The following TECPR1 variants were observed in gnomAD, a reference collection of about 807,000 sequenced individuals.
TECPR1 encodes tectonin beta-propeller repeat containing 1.
A neutral mutation model predicts 162.4 loss-of-function variants in TECPR1; 122 were observed. The observed-to-expected ratio is 0.75, with a 90% CI of 0.65 to 0.87. The LOEUF is 0.87. TECPR1 is among the 40% of genes least tolerant of loss of function. TECPR1 has a pLI of 0.00. For missense variants in TECPR1, 1,432 were observed against 1,618.2 expected (o/e 0.88, Z 1.97); for synonymous variants, 642 against 670.6 (o/e 0.96, Z 0.66).
intron 23 of TECPR1, 56 bp downstream of exon 23, chr7:98,221,605 G>C (rs1316262294): frequency 2.0e-6 from 3 of 1,512,206 alleles, no homozygotes; most frequent in Admixed American, 1.7e-5. Flanking sequence ...GAGATTACAG[G>C]TGTGAGCCAC....
intron 8 of TECPR1, 51 bp from the exon 9 acceptor site, chr7:98,238,661 C>T (rs371433144): frequency 2.1e-5 from 30 of 1,460,688 alleles, no homozygotes; most frequent in East Asian, 1.2e-4. Context: ...CTGAAACAGA[C>T]GGTTCGTTCG....
chr7:98,237,867 G>A (rs1333132442), intron 9 of TECPR1, among the ~76,000 whole-genome samples: 2 of 152,136 alleles, frequency 1.3e-5, no homozygotes, highest in African/African-American at 4.8e-5. Flanking sequence ...TGACCTCCTG[G>A]GCTCAGGCAA....
chr7:98,228,894 G>T, intron 16 of TECPR1, 145 bp downstream of exon 16: 1 of 1,188,146 alleles, frequency 8.4e-7, no homozygotes, highest in Non-Finnish European at 1.2e-6. Flanking sequence ...GTGGAGGCTG[G>T]CAGTGGTGAA....
In TECPR1 at chr7:98,215,534, T is replaced by C. The variant is rs936180049; in HGVS notation, c.*1856A>G. On this transcript the variant is annotated 3_prime_UTR_variant, in exon 26 of 26. Transcript: ENST00000447648. ...CGGACACTCCAGGGGAAATGCTTAT[T>C]GAGTAAAGTATCCGAGGAAGTGATG... 1 of 152,226 alleles carries C rather than the reference T, an allele frequency of 6.6e-6. No individual in the cohort carries two copies. Among genetic ancestry groups the C allele is most frequent in the African/African-American group, 2.4e-5 (1 of 41,446 alleles). 9.4% of individuals were successfully genotyped at this position (152,226 alleles called of 1,614,324 possible).
rs1238374185 is a variant in TECPR1, at chr7:98,232,060, T to C, written c.1819-101A>G. On this transcript the variant is annotated intron_variant, in intron 12 of 25. Coordinates refer to ENST00000447648, the MANE Select transcript of TECPR1 (RefSeq NM_015395.3). The surrounding 1 kb of genome is among the most constrained non-coding windows in gnomAD (Gnocchi z 4.6). ...CCCAGAGGAGGAGGCAGGGCTGGGGTAGGGCCCACCCAGCACTCCCGGCTG... is the reference window on the plus strand; with the variant it reads ...CCCAGAGGAGGAGGCAGGGCTGGGGCAGGGCCCACCCAGCACTCCCGGCTG... The C allele has an allele frequency of 7.6e-7, 1 of 1,323,648 alleles. No individual in the cohort carries two copies. Among genetic ancestry groups the C allele is most frequent in the East Asian group, 2.5e-5 (1 of 39,436 alleles). 82.0% of individuals were successfully genotyped at this position (1,323,648 alleles called of 1,614,324 possible). A position where few individuals can be genotyped will look rare whatever the true frequency, so the allele number is the denominator to read the frequency against.
At chr7:98,240,201 T>A (rs778780870) in intron 8 of TECPR1, among the ~76,000 whole-genome samples, 1 of 151,948 alleles carries the variant, frequency 6.6e-6, no homozygotes, top group Non-Finnish European at 1.5e-5. Flanking sequence ...AGACAAGCAG[T>A]GACTAGAGGA....
At chr7:98,229,748 C>T (rs747632) in intron 15 of TECPR1, among the ~76,000 whole-genome samples, 64,047 of 151,962 alleles carry the variant, frequency 0.42, 14,053 homozygotes, top group East Asian at 0.7. Flanking sequence ...TCACCAGAGG[C>T]GGTCTGAATC....
At position 98,243,456 on chromosome 7, in the gene TECPR1, G is replaced by A; in HGVS notation, c.657+11C>T. ...GTGGGGAGCCAGGGCAGGGAGAGGG[G>A]TTGGCCTTACCTTGCCCTGCAGAGA... On this transcript the variant is annotated intron_variant, in intron 6 of 25. Coordinates refer to ENST00000447648, the MANE Select transcript of TECPR1 (RefSeq NM_015395.3). 6.2e-7 allele frequency: 1 copy of A among 1,611,866 alleles called. No homozygotes were observed. The highest frequency in any genetic ancestry group is 8.5e-7 in the Non-Finnish European group (1 of 1,179,684).
At position 98,218,594 on chromosome 7, in the gene TECPR1, C is replaced by A. The variant is rs1311786199; in HGVS notation, c.3158-552G>T. Among the ~76,000 whole-genome samples the A allele has an allele frequency of 2.6e-5, 4 of 152,144 alleles. No individual in the cohort carries two copies. The South Asian group carries it at 6.2e-4, about 24-fold the overall frequency. On this transcript the variant is annotated intron_variant, in intron 23 of 25. Coordinates refer to ENST00000447648, the MANE Select transcript of TECPR1 (RefSeq NM_015395.3). ...TGCCAGCAGCAACCAGGCTGAGAAT[C>A]AAATTAACCCCTTTTACAACAGCTG...
chr7:98,244,756 G>A, intron 4 of TECPR1, 63 bp from the exon 5 acceptor site: 1 of 1,583,860 alleles, frequency 6.3e-7, no homozygotes, highest in Non-Finnish European at 8.6e-7. Flanking sequence ...GCTGGGGAAG[G>A]TGGGGAGGGA....
At chr7:98,226,473 C>A (rs1206668798) in intron 17 of TECPR1, 33 of 1,016,598 alleles carry the variant, frequency 3.2e-5, no homozygotes, top group Non-Finnish European at 3.8e-5. Flanking sequence ...GAGCCACCTC[C>A]CTGTGCCTGG....
chr7:98,247,127 G>A (rs1416281539), intron 2 of TECPR1, among the ~76,000 whole-genome samples: 2 of 151,450 alleles, frequency 1.3e-5, no homozygotes, highest in African/African-American at 4.8e-5. Context: ...GACAGAGGGA[G>A]ACCCTGTCTC....
chr7:98,235,216 G>C (rs560215545), intron 10 of TECPR1, among the ~76,000 whole-genome samples: 1 of 152,238 alleles, frequency 6.6e-6, no homozygotes, highest in South Asian at 2.1e-4. Context: ...ATTCTAATGT[G>C]CTTTCCAGTT....
chr7:98,230,609 CG>C (rs1798405446), intron 15 of TECPR1, among the ~76,000 whole-genome samples: 1 of 152,310 alleles, frequency 6.6e-6, no homozygotes, highest in African/African-American at 2.4e-5. Flanking sequence ...GGCTGAGCAC[CG>C]GGTCTGTGCC....
intron 21 of TECPR1, 40 bp downstream of exon 21, chr7:98,222,950 G>A: frequency 6.2e-7 from 1 of 1,603,880 alleles, no homozygotes; most frequent in South Asian, 1.1e-5. Context: ...CAGAGCAAAG[G>A]TCTCATTTCA....
At chr7:98,244,472 T>C in intron 5 of TECPR1, 99 bp downstream of exon 5, 1 of 1,471,562 alleles carries the variant, frequency 6.8e-7, no homozygotes, top group Non-Finnish European at 9.1e-7. Flanking sequence ...GGGCGTGGTG[T>C]CCCCTGGTGC....
At position 98,232,799 on chromosome 7, in the gene TECPR1, ATGC is replaced by A; in HGVS notation, c.1818+25_1818+27del. ...AATGATTGCTGGAAAAAAAAAAAAA[ATGC>A]ATGCGCAGCCACCGGGGCACCCACC... is the stretch of plus-strand genomic sequence containing the variant. On this transcript the variant is annotated intron_variant, in intron 12 of 25. Coordinates refer to ENST00000447648, the MANE Select transcript of TECPR1 (RefSeq NM_015395.3). The surrounding 1 kb of genome is among the most constrained non-coding windows in gnomAD (Gnocchi z 4.6). 1 of 1,510,044 alleles carries A rather than the reference ATGC, an allele frequency of 6.6e-7. No individual in the cohort carries two copies. The highest frequency in any genetic ancestry group is 8.8e-7 in the Non-Finnish European group (1 of 1,131,598). The allele number at this position is 1,510,044 out of a possible 1,614,324, so 93.5% of individuals were successfully genotyped here. A position where few individuals can be genotyped will look rare whatever the true frequency, so the allele number is the denominator to read the frequency against.
At position 98,224,785 on chromosome 7, in the gene TECPR1, G is replaced by A. The variant is rs766034749; in HGVS notation, c.2690+16C>T. The A allele has an allele frequency of 3.2e-6, 5 of 1,571,330 alleles. No homozygotes were observed. Among genetic ancestry groups the A allele is most frequent in the Non-Finnish European group, 4.3e-6 (5 of 1,158,586 alleles). On this transcript the variant is annotated intron_variant, in intron 19 of 25. Coordinates refer to ENST00000447648, the MANE Select transcript of TECPR1 (RefSeq NM_015395.3). The stretch of plus-strand genomic sequence containing the variant: ...TCAGGACCCAGCCCGAAGGCCCTGT[G>A]CAGGGAGAGGCTTACGCAGGGAAGT...
At chr7:98,227,934 G>A (rs1008536078) in intron 17 of TECPR1, 80 bp downstream of exon 17, 19 of 1,157,494 alleles carry the variant, frequency 1.6e-5, no homozygotes, top group African/African-American at 6.1e-5. Context: ...TCCACGCTAC[G>A]GTGGATGTTG....
Sources: allele counts gnomAD v4.1 joint callset (sites outside exome capture counted in the v4.1 genomes callset), GRCh38; gene constraint gnomAD v4.1.1; non-coding constraint Gnocchi (gnomAD v3.1); transcripts MANE v1.5; gene names NCBI Gene and HGNC (gene_info 2026-07-23, HGNC 2026-07-21).